The following MACROD2 variants were observed in gnomAD, a reference collection of about 807,000 sequenced individuals.
The protein encoded by MACROD2 is mono-ADP ribosylhydrolase 2, also known as ADP-ribose glycohydrolase MACROD2.
In MACROD2, 36 loss-of-function variants were observed where a neutral mutation model predicts 70.4. The observed-to-expected ratio is 0.51, with a 90% CI of 0.39 to 0.68. The LOEUF is 0.68. Among genes scored for constraint, MACROD2 ranks in the 30% least tolerant of loss-of-function variants. The probability of loss-of-function intolerance (pLI) is 0.00; values close to 1 mark genes in which losing one functional copy is unlikely to be tolerated. For synonymous variants in MACROD2, 172 were observed against 178.8 expected (o/e 0.96, Z 0.30); for missense variants, 496 against 538.4 (o/e 0.92, Z 0.78).
chr20:14,708,896 G>A (rs1409877516), intron 5 of MACROD2, among the ~76,000 whole-genome samples: 1 of 152,150 alleles, frequency 6.6e-6, no homozygotes, highest in Non-Finnish European at 1.5e-5. Context: ...GGAATTACAG[G>A]TGTGAGCCAC....
intron 5 of MACROD2, among the ~76,000 whole-genome samples, chr20:14,913,910 AG>A (rs11476085): frequency 0.23 from 35,210 of 152,044 alleles, 4,226 homozygotes; most frequent in African/African-American, 0.26. Context: ...CCAACAACCA[AG>A]ATTTGAATAC....
At chr20:14,727,825 T>C (rs1403388669) in intron 5 of MACROD2, among the ~76,000 whole-genome samples, 3 of 152,200 alleles carry the variant, frequency 2.0e-5, no homozygotes, top group Non-Finnish European at 2.9e-5. Context: ...TCTTTTCCCA[T>C]ATGGAAGAAT....
At chr20:14,955,747 A>C (rs2074530787) in intron 5 of MACROD2, among the ~76,000 whole-genome samples, 1 of 151,984 alleles carries the variant, frequency 6.6e-6, no homozygotes, top group Non-Finnish European at 1.5e-5. Flanking sequence ...ATTTCTTTTA[A>C]ATTTGTTTCA....
At chr20:15,329,102 G>A (rs1289739306) in intron 6 of MACROD2, among the ~76,000 whole-genome samples, 2 of 152,116 alleles carry the variant, frequency 1.3e-5, no homozygotes, top group Admixed American at 1.3e-4. Flanking sequence ...AAAAGGAAAT[G>A]CAGCAGATGT....
At position 16,000,788 on chromosome 20, in the gene MACROD2, C is replaced by T. The variant is rs6043665; in HGVS notation, c.1153+13630C>T. Among the ~76,000 whole-genome samples the T allele has an allele frequency of 3.2e-3, 482 of 152,252 alleles. 5 individuals are homozygous for T. Among genetic ancestry groups the T allele is most frequent in the African/African-American group, 0.011 (473 of 41,542 alleles). ...TTTCAGTGACAGAACAAGTGCAAGT[C>T]TAATCTATAATGTATGTGGAGTAGA... On this transcript the variant is annotated intron_variant, in intron 15 of 17. Coordinates refer to ENST00000684519, the MANE Select transcript of MACROD2 (RefSeq NM_001351661.2).
chr20:14,189,291 A>G (rs2081367104), intron 3 of MACROD2, among the ~76,000 whole-genome samples: 1 of 152,208 alleles, frequency 6.6e-6, no homozygotes, highest in South Asian at 2.1e-4. Context: ...AGATAATTGA[A>G]CATAAGACAC....
chr20:15,570,358 G>T (rs1025679593), intron 8 of MACROD2, among the ~76,000 whole-genome samples: 1 of 152,162 alleles, frequency 6.6e-6, no homozygotes, highest in Non-Finnish European at 1.5e-5. Flanking sequence ...GTTTTAACCA[G>T]TCTGAGCAAA....
At chr20:15,424,677 A>C (rs544587339) in intron 6 of MACROD2, among the ~76,000 whole-genome samples, 7 of 151,812 alleles carry the variant, frequency 4.6e-5, no homozygotes, top group Non-Finnish European at 8.8e-5. Flanking sequence ...ATAGGACTGC[A>C]CCACTGTACT....
intron 3 of MACROD2, among the ~76,000 whole-genome samples, chr20:14,431,193 G>A (rs2083990596): frequency 6.6e-6 from 1 of 152,000 alleles, no homozygotes; most frequent in South Asian, 2.1e-4. Flanking sequence ...TTTAATAATA[G>A]CAATTAACAT....
intron 5 of MACROD2, among the ~76,000 whole-genome samples, chr20:15,074,369 A>C (rs927689034): frequency 1.7e-4 from 26 of 152,222 alleles, no homozygotes; most frequent in African/African-American, 6.3e-4. Flanking sequence ...GGGAGCTTCC[A>C]GATAGCTGAA....
rs116342352 is a variant in MACROD2 at position 15,378,917 on chromosome 20, A to G, written c.541-52488A>G. Among the ~76,000 whole-genome samples, 1,049 of 152,230 alleles carry G rather than the reference A, an allele frequency of 6.9e-3. 10 individuals carry two copies. The highest frequency in any genetic ancestry group is 0.023 in the African/African-American group (961 of 41,526). On this transcript the variant is annotated intron_variant, in intron 6 of 17. Coordinates refer to ENST00000684519, the MANE Select transcript of MACROD2 (RefSeq NM_001351661.2). ...AAACTGCAAAGATGACTGCATGGTG[A>G]CTCTCGTTTCATGGTGCTTAGCTGC...
rs554996587 is a variant in MACROD2 at position 14,411,230 on chromosome 20, G to T, written c.272-82249G>T. Among the ~76,000 whole-genome samples, 10 of 152,132 alleles carry T rather than the reference G, an allele frequency of 6.6e-5. No homozygotes were observed. In the South Asian group the frequency reaches 1.9e-3, roughly 28 times the overall value. ...CAAGATTGCCCAGTATTCTGGGATAGATTTTTTTTCTTAAGGGTTAAAAAA... is the reference window on the plus strand; with the variant it reads ...CAAGATTGCCCAGTATTCTGGGATATATTTTTTTTCTTAAGGGTTAAAAAA... On this transcript the variant is annotated intron_variant, in intron 3 of 17. Coordinates refer to ENST00000684519, the MANE Select transcript of MACROD2 (RefSeq NM_001351661.2).
At chr20:14,157,236 C>T (rs907291231) in intron 3 of MACROD2, among the ~76,000 whole-genome samples, 1 of 152,052 alleles carries the variant, frequency 6.6e-6, no homozygotes, top group Non-Finnish European at 1.5e-5. Flanking sequence ...AATGCCACCT[C>T]CTTTTTTTCT....
chr20:14,380,652 G>C (rs1284535181), intron 3 of MACROD2, among the ~76,000 whole-genome samples: 1 of 152,066 alleles, frequency 6.6e-6, no homozygotes, highest in Non-Finnish European at 1.5e-5. Context: ...GCCACTGGTG[G>C]AAGAGATTAT....
chr20:15,035,601 C>G (rs1331080047), intron 5 of MACROD2, among the ~76,000 whole-genome samples: 1 of 152,136 alleles, frequency 6.6e-6, no homozygotes, highest in East Asian at 1.9e-4. Flanking sequence ...TATGGAACCT[C>G]CTGTCCCTTG....
intron 5 of MACROD2, among the ~76,000 whole-genome samples, chr20:14,811,182 A>C (rs1246987706): frequency 2.6e-5 from 4 of 152,148 alleles, no homozygotes; most frequent in Non-Finnish European, 5.9e-5. Context: ...ACCTGACTTC[A>C]AAGTATACTA....
At chr20:15,799,356 T>C (rs1292962545) in intron 8 of MACROD2, among the ~76,000 whole-genome samples, 1 of 152,228 alleles carries the variant, frequency 6.6e-6, no homozygotes, top group Non-Finnish European at 1.5e-5. Context: ...ACTAGAGTTA[T>C]TCTAATGAGC....
chr20:14,644,329 G>A (rs1052450015), intron 4 of MACROD2, among the ~76,000 whole-genome samples: 5 of 152,182 alleles, frequency 3.3e-5, no homozygotes, highest in Non-Finnish European at 7.4e-5. Flanking sequence ...AAATGTGAGT[G>A]CCAATCTTCA....
intron 4 of MACROD2, among the ~76,000 whole-genome samples, chr20:14,590,681 T>TTTTCTC (rs1256167251): frequency 6.6e-6 from 1 of 152,214 alleles, no homozygotes; most frequent in Non-Finnish European, 1.5e-5. Context: ...CTTGCCCAGT[T>TTTTCTC]TTTCTCTTTT....
Sources: allele counts gnomAD v4.1 joint callset (sites outside exome capture counted in the v4.1 genomes callset), GRCh38; gene constraint gnomAD v4.1.1; transcripts MANE v1.5; gene names NCBI Gene and HGNC (gene_info 2026-07-23, HGNC 2026-07-21).